Variants in TAFA2 observed in about 807,000 individuals in gnomAD.
TAFA2 encodes chemokine-like protein TAFA-2.
TAFA2 carries 7 observed loss-of-function variants against 18.8 expected under a neutral mutation model. That is an observed-to-expected ratio of 0.37 (90% CI 0.21 to 0.70). TAFA2 has a LOEUF of 0.70. Among genes scored for constraint, TAFA2 ranks in the 30% least tolerant of loss-of-function variants. The pLI, the probability that TAFA2 is intolerant of heterozygous loss-of-function variation, is 0.53. For missense variants in TAFA2, 122 were observed against 158.1 expected, an observed-to-expected ratio of 0.77 and a Z score of 1.23; for synonymous variants, 60 against 54.2, an observed-to-expected ratio of 1.11 and a Z score of -0.47.
chr12:61,940,538 C>T (rs1430590332), intron 1 of TAFA2, among the ~76,000 whole-genome samples: 3 of 152,170 alleles, frequency 2.0e-5, no homozygotes, highest in African/African-American at 7.2e-5. Context: ...GGTAACTCTC[C>T]AAGCACCTGG....
chr12:62,258,690 T>C, intron 1 of TAFA2: 1 of 319,398 alleles, frequency 3.1e-6, no homozygotes. Context: ...TAGGTATTAT[T>C]ATACTCAATT....
In TAFA2 at chr12:62,047,945, C is replaced by T. The variant is rs1592304066; in HGVS notation, c.-2+143314G>A. Among the ~76,000 whole-genome samples, 4 of 152,180 alleles carry T rather than the reference C, an allele frequency of 2.6e-5. No individual in the cohort carries two copies. The East Asian group carries it at 7.7e-4, about 29-fold the overall frequency. ...CACAAGAAAAACAAAAAAACATAAC[C>T]ACATAAATTCCTGCTTTAAAGGAAA... On this transcript the variant is annotated intron_variant, in intron 1 of 4. Coordinates refer to ENST00000416284, the MANE Select transcript of TAFA2 (RefSeq NM_178539.5).
intron 1 of TAFA2, among the ~76,000 whole-genome samples, chr12:62,200,455 T>C (rs1010436649): frequency 3.9e-5 from 6 of 152,222 alleles, no homozygotes; most frequent in Non-Finnish European, 8.8e-5. Context: ...AAGGGTCCAG[T>C]TTCATTTTCT....
intron 2 of TAFA2, among the ~76,000 whole-genome samples, chr12:61,760,871 CAA>C (rs375369002): frequency 3.4e-4 from 41 of 120,840 alleles, no homozygotes; most frequent in Admixed American, 5.9e-4. Context: ...CCCAAGTCAC[CAA>C]AAAAAAAAAA....
chr12:61,741,692 T>A (rs1868458728), intron 4 of TAFA2, among the ~76,000 whole-genome samples: 1 of 152,106 alleles, frequency 6.6e-6, no homozygotes, highest in Admixed American at 6.6e-5. Flanking sequence ...GACAATGATT[T>A]ACTGACTTTC....
intron 1 of TAFA2, among the ~76,000 whole-genome samples, chr12:62,071,561 G>C (rs1048776445): frequency 6.6e-6 from 1 of 152,096 alleles, no homozygotes; most frequent in East Asian, 1.9e-4. Flanking sequence ...GGGCAACATA[G>C]GGTGACTCTG....
At chr12:62,088,931 C>T (rs991902411) in intron 1 of TAFA2, among the ~76,000 whole-genome samples, 6 of 150,366 alleles carry the variant, frequency 4.0e-5, no homozygotes, top group Admixed American at 2.0e-4. Context: ...TGTGTGTGCA[C>T]GCGCGCGCAC....
At chr12:62,158,296 T>C (rs1413132346) in intron 1 of TAFA2, among the ~76,000 whole-genome samples, 1 of 152,250 alleles carries the variant, frequency 6.6e-6, no homozygotes, top group African/African-American at 2.4e-5. Flanking sequence ...TAAGCTGTTG[T>C]ATATAGGTGT....
At chr12:61,927,336 G>A (rs1269270004) in intron 1 of TAFA2, among the ~76,000 whole-genome samples, 3 of 152,114 alleles carry the variant, frequency 2.0e-5, no homozygotes, top group Admixed American at 1.3e-4. Flanking sequence ...CAAAATGAAT[G>A]TGTAAAAATC....
At chr12:62,216,190 C>T (rs541130270) in intron 1 of TAFA2, among the ~76,000 whole-genome samples, 9 of 152,264 alleles carry the variant, frequency 5.9e-5, no homozygotes, top group East Asian at 3.9e-4. Context: ...TATCCAATTG[C>T]GGGTCCACAC....
At chr12:62,031,181 A>G (rs941030450) in intron 1 of TAFA2, among the ~76,000 whole-genome samples, 32 of 152,200 alleles carry the variant, frequency 2.1e-4, no homozygotes, top group East Asian at 1.9e-4. Context: ...GTGTTCCCAA[A>G]GGAGATTAAC....
At chr12:61,851,610 C>T (rs796573282) in intron 2 of TAFA2, among the ~76,000 whole-genome samples, 16 of 150,576 alleles carry the variant, frequency 1.1e-4, no homozygotes, top group Non-Finnish European at 1.6e-4. Context: ...CCTGTCTCTA[C>T]TAAATATATA....
chr12:62,242,883 A>T (rs1292508225), intron 1 of TAFA2, among the ~76,000 whole-genome samples: 2 of 152,250 alleles, frequency 1.3e-5, no homozygotes, highest in Non-Finnish European at 2.9e-5. Context: ...AACATAATCT[A>T]TGAGTAATAG....
intron 1 of TAFA2, among the ~76,000 whole-genome samples, chr12:62,217,052 C>T (rs537909236): frequency 1.6e-4 from 24 of 152,214 alleles, no homozygotes; most frequent in East Asian, 3.9e-4. Context: ...TATGTCTCTC[C>T]GCAAAAAGGG....
intron 1 of TAFA2, among the ~76,000 whole-genome samples, chr12:62,142,551 A>G (rs1042569673): frequency 2.6e-5 from 4 of 152,196 alleles, no homozygotes; most frequent in African/African-American, 9.6e-5. Flanking sequence ...TCTTCCATGC[A>G]TGACTACCCA....
At chr12:61,946,392 C>G (rs1306138659) in intron 1 of TAFA2, among the ~76,000 whole-genome samples, 2 of 127,514 alleles carry the variant, frequency 1.6e-5, no homozygotes, top group Non-Finnish European at 1.6e-5. Context: ...AGGACATAGG[C>G]GTGGGCAAGG....
intron 2 of TAFA2, among the ~76,000 whole-genome samples, chr12:61,766,365 A>G (rs914114131): frequency 1.3e-5 from 2 of 152,090 alleles, no homozygotes; most frequent in African/African-American, 4.8e-5. Context: ...ATAAACTATT[A>G]TCAGAGTCTT....
intron 1 of TAFA2, among the ~76,000 whole-genome samples, chr12:62,211,806 T>C (rs2062715543): frequency 6.6e-6 from 1 of 152,210 alleles, no homozygotes; most frequent in Non-Finnish European, 1.5e-5. Context: ...TCAACATTTT[T>C]ATCAGGTTCC....
chr12:61,758,519 G>A (rs1236874068), intron 2 of TAFA2, among the ~76,000 whole-genome samples: 3 of 152,006 alleles, frequency 2.0e-5, no homozygotes, highest in African/African-American at 7.2e-5. Context: ...ACAGAGTCAG[G>A]TAGATGTGAG....
Sources: gnomAD v4.1 joint callset for allele counts (sites outside exome capture counted in the v4.1 genomes callset) on GRCh38, gnomAD v4.1.1 for gene constraint, MANE v1.5 for transcripts, NCBI Gene and HGNC (gene_info 2026-07-23, HGNC 2026-07-21) for gene names.